Variants in METTL15 observed in about 807,000 individuals in gnomAD.
METTL15 encodes the protein methyltransferase 15, mitochondrial 12S rRNA N4-cytidine, also known as 12S rRNA N(4)-cytidine methyltransferase METTL15.
METTL15 carries 34 observed loss-of-function variants against 38.3 expected under a neutral mutation model. The ratio of observed to expected loss-of-function variants is 0.89; its 90% CI spans 0.68 to 1.18. The LOEUF (loss-of-function observed/expected upper bound fraction) is 1.18. METTL15 is among the 50% of genes most tolerant of loss of function. METTL15 has a pLI of 0.00. For synonymous variants in METTL15, 162 were observed against 170.9 expected (o/e 0.95, Z 0.41); for missense variants, 438 against 498.4 (o/e 0.88, Z 1.15).
chr11:28,480,706 A>G (rs1851387838), intron 6 of METTL15, among the ~76,000 whole-genome samples: 1 of 152,152 alleles, frequency 6.6e-6, no homozygotes, highest in Admixed American at 6.5e-5. Context: ...TCATTCCTCT[A>G]TTGAGATATT....
intron 6 of METTL15, among the ~76,000 whole-genome samples, chr11:28,456,007 A>G (rs1300807696): frequency 6.6e-6 from 1 of 151,572 alleles, no homozygotes; most frequent in East Asian, 1.9e-4. Flanking sequence ...CGCCTGGCCT[A>G]TTTATTTATT....
chr11:28,152,599 CCAT>C (rs1347291306), intron 3 of METTL15, among the ~76,000 whole-genome samples: 4 of 151,720 alleles, frequency 2.6e-5, no homozygotes, highest in South Asian at 4.1e-4. Context: ...TAAAATACAG[CCAT>C]CTCTTAGTGT....
At chr11:28,509,465 G>A (rs537836928) in intron 6 of METTL15, among the ~76,000 whole-genome samples, 2 of 149,898 alleles carry the variant, frequency 1.3e-5, no homozygotes, top group East Asian at 4.0e-4. Flanking sequence ...TCCTCTCGTT[G>A]CACTAAGTCA....
intron 3 of METTL15, among the ~76,000 whole-genome samples, chr11:28,207,456 A>G (rs1480418377): frequency 6.6e-6 from 1 of 152,148 alleles, no homozygotes. Context: ...CCAGGGATGA[A>G]GCCCACTTGA....
At chr11:28,124,601 G>A (rs1302364689) in intron 3 of METTL15, among the ~76,000 whole-genome samples, 1 of 152,018 alleles carries the variant, frequency 6.6e-6, no homozygotes, top group Non-Finnish European at 1.5e-5. Context: ...GAGAAACTGT[G>A]GTGTTGAGGG....
rs187224336 is a variant in METTL15, at chr11:28,467,862, T to G, written c.*424+43498T>G. Among the ~76,000 whole-genome samples, 7 of 152,242 alleles carry G rather than the reference T, an allele frequency of 4.6e-5. No individual in the cohort carries two copies. The East Asian group carries it at 1.2e-3, about 25-fold the overall frequency. ...TATAGAGCCATGAGAGATATTTTAG[T>G]AGCATGGCCAAGGAGGAGAAGGAAA... is the stretch of plus-strand genomic sequence containing the variant. On this transcript the variant is annotated intron_variant and NMD_transcript_variant, in intron 6 of 7. Transcript: ENST00000532947.
chr11:28,353,092 A>G (rs897362840), intron 4 of METTL15, among the ~76,000 whole-genome samples: 1 of 152,150 alleles, frequency 6.6e-6, no homozygotes, highest in Non-Finnish European at 1.5e-5. Flanking sequence ...CTAGCTTAGA[A>G]AAGAAAAGCC....
chr11:28,210,891 T>C (rs1852605663), intron 3 of METTL15, among the ~76,000 whole-genome samples, 171 bp from the exon 4 acceptor site: 1 of 152,016 alleles, frequency 6.6e-6, no homozygotes, highest in South Asian at 2.1e-4. Context: ...TCACTCATAA[T>C]TGAGCCAGAT....
intron 5 of METTL15, among the ~76,000 whole-genome samples, chr11:28,395,404 G>A (rs1033072899): frequency 4.6e-5 from 7 of 152,058 alleles, no homozygotes; most frequent in Non-Finnish European, 8.8e-5. Flanking sequence ...ACTGAACAGA[G>A]ATTATTTTGG....
chr11:28,263,190 GCCT>G (rs1855278942), intron 4 of METTL15, among the ~76,000 whole-genome samples: 1 of 151,922 alleles, frequency 6.6e-6, no homozygotes, highest in African/African-American at 2.4e-5. Flanking sequence ...CTGGAATTGA[GCCT>G]CCTATTAGTA....
intron 3 of METTL15, among the ~76,000 whole-genome samples, chr11:28,346,491 C>G (rs943835109): frequency 1.3e-5 from 2 of 152,068 alleles, no homozygotes; most frequent in Non-Finnish European, 2.9e-5. Context: ...ATACTCCAAA[C>G]CTGGTAAAAT....
intron 5 of METTL15, among the ~76,000 whole-genome samples, chr11:28,368,164 C>CAAAAAAAAAAAAA (rs1850207256): frequency 9.3e-6 from 1 of 107,168 alleles, no homozygotes; most frequent in African/African-American, 3.7e-5. Flanking sequence ...AAAAAAAAAA[C>CAAAAAAAAAAAAA]AAAGAAAAAA....
intron 3 of METTL15, among the ~76,000 whole-genome samples, chr11:28,134,901 A>AT (rs1390116452): frequency 6.6e-6 from 1 of 151,998 alleles, no homozygotes; most frequent in Non-Finnish European, 1.5e-5. Flanking sequence ...AGCTCTCTTG[A>AT]TTTTTCCAAA....
At chr11:28,403,982 G>T (rs1850653275) in intron 5 of METTL15, among the ~76,000 whole-genome samples, 1 of 151,880 alleles carries the variant, frequency 6.6e-6, no homozygotes, top group Non-Finnish European at 1.5e-5. Context: ...GTAAATTACT[G>T]TAGCAATAAC....
chr11:28,216,658 C>T (rs1251557309), intron 4 of METTL15, among the ~76,000 whole-genome samples: 1 of 151,568 alleles, frequency 6.6e-6, no homozygotes, highest in African/African-American at 2.4e-5. Context: ...CTGTGCTGCA[C>T]CCATTAGCTC....
intron 6 of METTL15, among the ~76,000 whole-genome samples, chr11:28,307,389 T>G (rs994384661): frequency 5.9e-5 from 9 of 152,084 alleles, no homozygotes; most frequent in African/African-American, 2.2e-4. Flanking sequence ...CAATATTTCT[T>G]TAATGAATAA....
chr11:28,356,861 G>T (rs1369694358), intron 4 of METTL15, among the ~76,000 whole-genome samples: 1 of 152,136 alleles, frequency 6.6e-6, no homozygotes, highest in Non-Finnish European at 1.5e-5. Flanking sequence ...GACCCATATG[G>T]CATCCTGGCT....
At chr11:28,292,377 A>G (rs1185494578) in intron 5 of METTL15, among the ~76,000 whole-genome samples, 2 of 152,054 alleles carry the variant, frequency 1.3e-5, no homozygotes, top group African/African-American at 4.8e-5. Context: ...GTCCCTACAA[A>G]GGACGTGAAC....
chr11:28,120,412 A>G (rs1852176945), intron 3 of METTL15, among the ~76,000 whole-genome samples: 1 of 152,090 alleles, frequency 6.6e-6, no homozygotes. Context: ...GTTCTAAAAA[A>G]TGTAGCACAT....
Sources: gnomAD v4.1 joint callset for allele counts (sites outside exome capture counted in the v4.1 genomes callset) on GRCh38, gnomAD v4.1.1 for gene constraint, MANE v1.5 for transcripts, NCBI Gene and HGNC (gene_info 2026-07-23, HGNC 2026-07-21) for gene names.